JAM2: variants seen among roughly 807,000 people sequenced by gnomAD.
JAM2 encodes junctional adhesion molecule B.
JAM2 carries 17 observed loss-of-function variants against 42.0 expected under a neutral mutation model. The ratio of observed to expected loss-of-function variants is 0.40; its 90% CI spans 0.28 to 0.61. The LOEUF (loss-of-function observed/expected upper bound fraction) is 0.61, where lower values mean the gene tolerates loss of function less well. Ranked by LOEUF, JAM2 falls within the 20% of genes least tolerant of loss-of-function variation. The pLI is 0.37. For synonymous variants in JAM2, 118 were observed against 128.6 expected (o/e 0.92, Z 0.56); for missense variants, 319 against 358.3 (o/e 0.89, Z 0.89).
intron 9 of JAM2, among the ~76,000 whole-genome samples, chr21:25,713,762 G>A (rs1302418699): frequency 6.6e-6 from 1 of 152,132 alleles, no homozygotes; most frequent in Non-Finnish European, 1.5e-5. Flanking sequence ...TACAATTTAT[G>A]GAAAGTCTTT....
At chr21:25,694,120 A>AT (rs1224593061) in intron 4 of JAM2, among the ~76,000 whole-genome samples, 1 of 152,234 alleles carries the variant, frequency 6.6e-6, no homozygotes, top group Non-Finnish European at 1.5e-5. Context: ...GTAATGCGTT[A>AT]TCACAAAGTA....
chr21:25,680,323 G>A (rs1285063049), intron 1 of JAM2, among the ~76,000 whole-genome samples: 6 of 152,184 alleles, frequency 3.9e-5, no homozygotes, highest in African/African-American at 1.4e-4. Flanking sequence ...TCTTCCCTGA[G>A]CACTTTGTGG....
intron 1 of JAM2, among the ~76,000 whole-genome samples, chr21:25,665,045 C>A (rs182660109): frequency 6.6e-6 from 1 of 152,204 alleles, no homozygotes; most frequent in Non-Finnish European, 1.5e-5. Context: ...GAGAAAAGTT[C>A]TATGGGTTGT....
intron 1 of JAM2, among the ~76,000 whole-genome samples, chr21:25,668,935 A>C (rs1034620175): frequency 6.6e-6 from 1 of 152,244 alleles, no homozygotes; most frequent in Non-Finnish European, 1.5e-5. Flanking sequence ...TATGGAAGGC[A>C]TCATCATAAA....
intron 8 of JAM2, 143 bp from the exon 9 acceptor site, chr21:25,712,197 G>C (rs1390145085): frequency 4.4e-6 from 3 of 680,572 alleles, no homozygotes; most frequent in Non-Finnish European, 5.4e-6. Context: ...AATTCAGTAA[G>C]AATTGTCTTT....
At chr21:25,699,966 T>C (rs1306223937) in intron 5 of JAM2, among the ~76,000 whole-genome samples, 3 of 152,088 alleles carry the variant, frequency 2.0e-5, no homozygotes, top group African/African-American at 7.2e-5. Context: ...GTAGGATTCC[T>C]ATATCATTAA....
chr21:25,681,538 A>G (rs1345780740), intron 1 of JAM2, among the ~76,000 whole-genome samples: 1 of 152,224 alleles, frequency 6.6e-6, no homozygotes, highest in Non-Finnish European at 1.5e-5. Flanking sequence ...CTCCCACAAC[A>G]CATGGGGATT....
At chr21:25,678,121 G>A (rs1224574689) in intron 1 of JAM2, among the ~76,000 whole-genome samples, 1 of 152,168 alleles carries the variant, frequency 6.6e-6, no homozygotes, top group Non-Finnish European at 1.5e-5. Context: ...AGCTACTCAG[G>A]AGGCTGAGGC....
At chr21:25,661,973 G>A (rs909643473) in intron 1 of JAM2, among the ~76,000 whole-genome samples, 2 of 152,020 alleles carry the variant, frequency 1.3e-5, no homozygotes, top group Non-Finnish European at 2.9e-5. Context: ...AGATGTGGGT[G>A]TGTTTCATTA....
At chr21:25,660,786 T>A (rs80351240) in intron 1 of JAM2, among the ~76,000 whole-genome samples, 265 of 48,842 alleles carry the variant, frequency 5.4e-3, no homozygotes, top group East Asian at 0.012. Flanking sequence ...ATATATATTT[T>A]TTTTTTTTTT....
At chr21:25,704,806 G>T (rs2034238729) in intron 6 of JAM2, among the ~76,000 whole-genome samples, 1 of 152,214 alleles carries the variant, frequency 6.6e-6, no homozygotes, top group Non-Finnish European at 1.5e-5. Flanking sequence ...GACAGGAGGT[G>T]TCTGCTAGCC....
intron 1 of JAM2, among the ~76,000 whole-genome samples, chr21:25,654,007 A>T (rs2829845): frequency 0.38 from 58,212 of 152,030 alleles, 12,645 homozygotes; most frequent in East Asian, 0.64. Context: ...AAGTCATCAC[A>T]CTTTGGTCAC....
chr21:25,675,363 G>T (rs1390220524), intron 1 of JAM2, among the ~76,000 whole-genome samples: 2 of 152,044 alleles, frequency 1.3e-5, no homozygotes, highest in East Asian at 3.9e-4. Context: ...GGACATGGTG[G>T]CTCATGCTTG....
At chr21:25,703,410 T>C (rs989597056) in intron 6 of JAM2, among the ~76,000 whole-genome samples, 9 of 152,184 alleles carry the variant, frequency 5.9e-5, no homozygotes, top group South Asian at 4.1e-4. Context: ...CTACTCTAAG[T>C]ACAAGTTAGC....
chr21:25,691,952 T>C (rs2033890493), intron 3 of JAM2, among the ~76,000 whole-genome samples: 2 of 149,898 alleles, frequency 1.3e-5, no homozygotes, highest in South Asian at 4.2e-4. Flanking sequence ...TGGCTTGCAG[T>C]AAGCCAAGAT....
At chr21:25,688,618 A>C (rs1322942710) in intron 2 of JAM2, among the ~76,000 whole-genome samples, 1 of 152,098 alleles carries the variant, frequency 6.6e-6, no homozygotes, top group African/African-American at 2.4e-5. Context: ...TGCTTTAAAA[A>C]CTTTAGACAT....
At chr21:25,640,823 CTCTTTCTTTCTG>C (rs916265386) in intron 1 of JAM2, among the ~76,000 whole-genome samples, 13 of 151,326 alleles carry the variant, frequency 8.6e-5, no homozygotes, top group South Asian at 4.2e-4. Context: ...CTTTCTCTCT[CTCTTTCTTTCTG>C]TCTCTCTTTC....
chr21:25,695,611 C>G (rs951830483), intron 4 of JAM2, among the ~76,000 whole-genome samples: 6 of 144,780 alleles, frequency 4.1e-5, no homozygotes, highest in Admixed American at 1.4e-4. Flanking sequence ...GGCGCCCCCC[C>G]ACCTCCCTCC....
chr21:25,714,539 T>G, intron 9 of JAM2, 101 bp from the exon 10 acceptor site: 1 of 814,852 alleles, frequency 1.2e-6, no homozygotes, highest in Non-Finnish European at 1.9e-6. Context: ...GGTTTTTACC[T>G]GTAGAATTCT....
Sources: gnomAD v4.1 joint callset for allele counts (sites outside exome capture counted in the v4.1 genomes callset) on GRCh38, gnomAD v4.1.1 for gene constraint, MANE v1.5 for transcripts, NCBI Gene and HGNC (gene_info 2026-07-23, HGNC 2026-07-21) for gene names.